TCF12: variants seen among roughly 807,000 people sequenced by gnomAD.
The protein encoded by TCF12 is transcription factor 12.
TCF12 carries 45 observed loss-of-function variants against 86.0 expected under a neutral mutation model. The observed-to-expected ratio is 0.52, with a 90% CI of 0.41 to 0.67. The LOEUF is 0.67. Among genes scored for constraint, TCF12 ranks in the 30% least tolerant of loss-of-function variants. The pLI is 0.00. For missense variants in TCF12, 881 were observed against 859.9 expected (o/e 1.02, Z -0.31); for synonymous variants, 330 against 299.6 (o/e 1.10, Z -1.05).
chr15:57,080,104 G>C lies in TCF12; in HGVS notation c.223-11685G>C, dbSNP rs1267272403. 4.6e-5 allele frequency among the ~76,000 whole-genome samples: 7 copies of C among 152,206 alleles called. 1 individual carries two copies. In the South Asian group the frequency reaches 1.4e-3, roughly 31 times the overall value. ...AAGAAAAACCTGATTAGTTACTTCA[G>C]TAAGCTGCTCATTGAAAATAAATGT... On this transcript the variant is annotated intron_variant, in intron 4 of 20. Coordinates refer to ENST00000333725, the MANE Select transcript of TCF12 (RefSeq NM_207037.2).
chr15:57,175,119 G>A (rs2055813936), intron 6 of TCF12, among the ~76,000 whole-genome samples: 1 of 152,184 alleles, frequency 6.6e-6, no homozygotes, highest in African/African-American at 2.4e-5. Flanking sequence ...GCTGAGGCAG[G>A]AGGATTGTTT....
intron 5 of TCF12, among the ~76,000 whole-genome samples, chr15:57,111,320 T>C (rs1348794594): frequency 1.3e-5 from 2 of 152,146 alleles, no homozygotes; most frequent in Non-Finnish European, 1.5e-5. Context: ...ATTGTGTTCT[T>C]AAAAGAAAAA....
Position 56,919,991 on chromosome 15 carries a change from A to G in TCF12, c.75+3A>G. On this transcript the variant is annotated splice_donor_region_variant and intron_variant, in intron 2 of 20. Transcript: ENST00000333725. ...GCGACCTACTGGACTTCAGTGCGGT[A>G]TGAGAGCTTTCCATGGCATCTTGGG... 1.9e-6 allele frequency: 3 copies of G among 1,613,888 alleles called. No individual in the cohort carries two copies. Among genetic ancestry groups the G allele is most frequent in the Non-Finnish European group, 2.5e-6 (3 of 1,179,874 alleles).
intron 13 of TCF12, chr15:57,251,022 G>T: frequency 5.0e-6 from 1 of 200,126 alleles, no homozygotes; most frequent in Non-Finnish European, 1.0e-5. Context: ...AAGGGGGACA[G>T]AATTTTAAAA....
chr15:56,923,153 T>G (rs2059865268), intron 3 of TCF12, among the ~76,000 whole-genome samples: 1 of 152,088 alleles, frequency 6.6e-6, no homozygotes, highest in Non-Finnish European at 1.5e-5. Context: ...AACTAGAGTT[T>G]ATAGTCAGGT....
intron 7 of TCF12, among the ~76,000 whole-genome samples, chr15:57,195,680 C>T (rs1239993874): frequency 6.6e-6 from 1 of 152,182 alleles, no homozygotes; most frequent in Non-Finnish European, 1.5e-5. Context: ...GGGATATTCA[C>T]TGTAGAGAAT....
chr15:57,170,571 A>G (rs1319553927), intron 6 of TCF12, among the ~76,000 whole-genome samples: 2 of 137,526 alleles, frequency 1.5e-5, no homozygotes. Flanking sequence ...TTGGGTCTTC[A>G]TATACCTCCC....
Position 57,192,200 on chromosome 15 carries a change from C to G in TCF12, c.433C>G (p.Gln145Glu), listed in dbSNP as rs780865463. The G allele has an allele frequency of 6.2e-6, 10 of 1,614,084 alleles. No homozygotes were observed. Among genetic ancestry groups the G allele is most frequent in the South Asian group, 4.4e-5 (4 of 91,082 alleles). ...AGATCTGGGGCTTGGGAGCCCAGCA[C>G]AGCTATCTTCTTCAGGAAAACCTGG... ...RQDLGLGSPAQLSSSGKPGTA... is the reference protein window; with the variant it reads ...RQDLGLGSPAELSSSGKPGTA... Residue 145 changes from glutamine to glutamate, a missense_variant, in exon 7 of 21, where the codon CAG becomes GAG. Gln to Glu is a conservative substitution (Grantham distance 29, BLOSUM62 2). Coordinates refer to ENST00000333725, the MANE Select transcript of TCF12 (RefSeq NM_207037.2).
rs142025609 is a variant in TCF12, at chr15:57,198,662, G to C, written c.579+837G>C. ...TTTTTTTTTCTTCTCCCTTTGCTTA[G>C]AAGAAATGGTGAGTGAGGCTGTTTG... On this transcript the variant is annotated intron_variant, in intron 8 of 20. Transcript: ENST00000333725. 2.0e-3 allele frequency among the ~76,000 whole-genome samples: 306 copies of C among 152,190 alleles called. 2 individuals carry two copies. The highest frequency in any genetic ancestry group is 3.8e-3 in the Admixed American group (58 of 15,282).
At chr15:56,929,053 A>G (rs900992918) in intron 3 of TCF12, among the ~76,000 whole-genome samples, 2 of 152,218 alleles carry the variant, frequency 1.3e-5, no homozygotes, top group East Asian at 1.9e-4. Context: ...TACCACAAAC[A>G]TATCTGTAGT....
chr15:57,173,920 C>T (rs955553079), intron 6 of TCF12, among the ~76,000 whole-genome samples: 13 of 151,910 alleles, frequency 8.6e-5, no homozygotes, highest in East Asian at 7.7e-4. Flanking sequence ...ATTGGCCAGG[C>T]GGGTCTCAAA....
intron 8 of TCF12, among the ~76,000 whole-genome samples, chr15:57,222,757 CA>C (rs2058659351): frequency 1.3e-5 from 1 of 75,442 alleles, no homozygotes; most frequent in African/African-American, 5.0e-5. Flanking sequence ...AAAGGACTGC[CA>C]TTTTTTTTTT....
At chr15:56,918,508 G>T (rs1350245933), upstream of TCF12, 1 of 316,446 alleles carries the variant, frequency 3.2e-6, no homozygotes, top group East Asian at 1.3e-4. Flanking sequence ...TTGTCCACCC[G>T]CCGCGGTGCG....
intron 5 of TCF12, among the ~76,000 whole-genome samples, chr15:57,100,037 A>T (rs924696233): frequency 6.6e-6 from 1 of 152,152 alleles, no homozygotes; most frequent in African/African-American, 2.4e-5. Flanking sequence ...TGCATTGTCT[A>T]TGATCAGTAG....
rs2058238940 is a variant in TCF12 at position 57,214,207 on chromosome 15, A to T, written c.579+16382A>T. 3 of 152,240 alleles carry T rather than the reference A, an allele frequency of 2.0e-5. No homozygotes were observed. In the South Asian group the frequency reaches 6.2e-4, roughly 32 times the overall value. The allele number at this position is 152,240 out of a possible 1,614,324, so 9.4% of individuals were successfully genotyped here. A position where few individuals can be genotyped will look rare whatever the true frequency, so the allele number is the denominator to read the frequency against. ...CTTTGTCGTTGTGAGTTTGTGATCA[A>T]AAGAAACGTGCAATTTGCTTCAGAT... is the stretch of plus-strand genomic sequence containing the variant. On this transcript the variant is annotated intron_variant, in intron 8 of 20. Coordinates refer to ENST00000333725, the MANE Select transcript of TCF12 (RefSeq NM_207037.2).
chr15:56,957,261 AGTTTATG>A (rs1345194937), intron 3 of TCF12, among the ~76,000 whole-genome samples: 21 of 152,190 alleles, frequency 1.4e-4, no homozygotes, highest in African/African-American at 4.1e-4. Context: ...TAAAACAGTT[AGTTTATG>A]GTTACCAAAT....
intron 3 of TCF12, among the ~76,000 whole-genome samples, chr15:57,056,687 G>A (rs2068055959): frequency 6.6e-6 from 1 of 152,010 alleles, no homozygotes. Flanking sequence ...TCAAACTCCT[G>A]GACTCAAGCA....
At chr15:57,146,056 CTT>C (rs1351789892) in intron 5 of TCF12, among the ~76,000 whole-genome samples, 4 of 151,996 alleles carry the variant, frequency 2.6e-5, no homozygotes, top group African/African-American at 9.7e-5. Context: ...TTTTATGTGA[CTT>C]TTTATTTCTA....
intron 3 of TCF12, among the ~76,000 whole-genome samples, chr15:56,926,094 T>G (rs1283110290): frequency 1.3e-5 from 2 of 152,148 alleles, no homozygotes; most frequent in Non-Finnish European, 2.9e-5. Context: ...GGCAGATCAC[T>G]TGAGGCCAGG....
Sources: allele counts gnomAD v4.1 joint callset (sites outside exome capture counted in the v4.1 genomes callset), GRCh38; gene constraint gnomAD v4.1.1; transcripts MANE v1.5; gene names NCBI Gene and HGNC (gene_info 2026-07-23, HGNC 2026-07-21).